ADAMTS12: variants seen among roughly 807,000 people sequenced by gnomAD.
ADAMTS12 encodes the protein ADAM metallopeptidase with thrombospondin type 1 motif 12, also known as A disintegrin and metalloproteinase with thrombospondin motifs 12.
ADAMTS12 carries 118 observed loss-of-function variants against 167.8 expected under a neutral mutation model. The observed-to-expected ratio is 0.70, with a 90% CI of 0.61 to 0.82. The LOEUF (loss-of-function observed/expected upper bound fraction) is 0.82. Ranked by LOEUF, ADAMTS12 falls within the 40% of genes least tolerant of loss-of-function variation. The pLI, the probability that ADAMTS12 is intolerant of heterozygous loss-of-function variation, is 0.00. For missense variants in ADAMTS12, 1,916 were observed against 1,998.8 expected, an observed-to-expected ratio of 0.96 and a Z score of 0.79; for synonymous variants, 704 against 716.9, an observed-to-expected ratio of 0.98 and a Z score of 0.29.
chr5:33,540,312 A>G (rs548723915), intron 22 of ADAMTS12, among the ~76,000 whole-genome samples: 35 of 152,356 alleles, frequency 2.3e-4, no homozygotes, highest in African/African-American at 7.9e-4. Flanking sequence ...AGGAAGCTCG[A>G]ACTGGGCGGA....
chr5:33,752,480 T>C (rs967658609), intron 2 of ADAMTS12, among the ~76,000 whole-genome samples: 4 of 152,200 alleles, frequency 2.6e-5, no homozygotes, highest in African/African-American at 9.7e-5. Flanking sequence ...AGTGACTGGC[T>C]GAGTTTTTAA....
At chr5:33,695,993 G>A (rs1358513874) in intron 3 of ADAMTS12, among the ~76,000 whole-genome samples, 1 of 152,160 alleles carries the variant, frequency 6.6e-6, no homozygotes, top group Non-Finnish European at 1.5e-5. Context: ...GCATTGACGA[G>A]TCCCATAGTG....
chr5:33,720,419 G>A (rs1743770412), intron 3 of ADAMTS12, among the ~76,000 whole-genome samples: 1 of 151,896 alleles, frequency 6.6e-6, no homozygotes, highest in Admixed American at 6.6e-5. Flanking sequence ...ACCATAAATA[G>A]GTCATGGAAA....
At chr5:33,614,496 A>T (rs1263127810) in intron 15 of ADAMTS12, 120 bp from the exon 16 acceptor site, 1 of 1,204,962 alleles carries the variant, frequency 8.3e-7, no homozygotes, top group Non-Finnish European at 1.2e-6. Flanking sequence ...GCATTGGAAT[A>T]AAGCCATTAA....
intron 2 of ADAMTS12, among the ~76,000 whole-genome samples, chr5:33,765,005 G>A (rs1239434966): frequency 6.6e-6 from 1 of 152,166 alleles, no homozygotes; most frequent in Non-Finnish European, 1.5e-5. Context: ...CTCTCTGCAA[G>A]CTAGGCAGGA....
At chr5:33,597,953 T>G (rs527914192) in intron 16 of ADAMTS12, among the ~76,000 whole-genome samples, 2 of 152,308 alleles carry the variant, frequency 1.3e-5, no homozygotes, top group South Asian at 4.1e-4. Context: ...CGAAAAGGCT[T>G]GTATCTGTGC....
chr5:33,626,000 A>G (rs1006900485), intron 13 of ADAMTS12, among the ~76,000 whole-genome samples: 15 of 152,202 alleles, frequency 9.9e-5, no homozygotes, highest in African/African-American at 3.4e-4. Flanking sequence ...GCAGAATCAG[A>G]GGTGGTTCCA....
chr5:33,812,459 ACTCAC>A (rs1173104050), intron 2 of ADAMTS12, among the ~76,000 whole-genome samples: 1 of 152,204 alleles, frequency 6.6e-6, no homozygotes, highest in African/African-American at 2.4e-5. Flanking sequence ...ATACCAAGTT[ACTCAC>A]CTCAAGATCA....
Position 33,526,932 on chromosome 5 carries a change from C to G in ADAMTS12, c.*256G>C, listed in dbSNP as rs1171271774. On this transcript the variant is annotated 3_prime_UTR_variant, in exon 24 of 24. Transcript: ENST00000504830. Reference sequence around the variant, plus strand: ...AATCTGTCTAACCTGGCACCTTTCCCAGGAGCCGATACCAGGTGCTGCCTG... The same window carrying G: ...AATCTGTCTAACCTGGCACCTTTCCGAGGAGCCGATACCAGGTGCTGCCTG... The G allele has an allele frequency of 4.4e-6, 2 of 454,380 alleles. No individual in the cohort carries two copies. Among genetic ancestry groups the G allele is most frequent in the Non-Finnish European group, 7.8e-6 (2 of 254,810 alleles). 28.1% of individuals were successfully genotyped at this position (454,380 alleles called of 1,614,324 possible).
Position 33,525,500 on chromosome 5 carries a change from T to C in ADAMTS12, c.*1688A>G, listed in dbSNP as rs1297429066. 2 of 152,200 alleles carry C rather than the reference T, an allele frequency of 1.3e-5. No individual in the cohort carries two copies. The highest frequency in any genetic ancestry group is 2.4e-5 in the African/African-American group (1 of 41,462). 9.4% of individuals were successfully genotyped at this position (152,200 alleles called of 1,614,324 possible). ...AGGTACCCAAGCAATAAAACTGGCA[T>C]TGGTCAGCAACACCGTTACATGTTT... is the stretch of plus-strand genomic sequence containing the variant. On this transcript the variant is annotated 3_prime_UTR_variant, in exon 24 of 24. Transcript: ENST00000504830.
At chr5:33,604,326 AC>A (rs1738325823) in intron 16 of ADAMTS12, among the ~76,000 whole-genome samples, 1 of 152,130 alleles carries the variant, frequency 6.6e-6, no homozygotes, top group African/African-American at 2.4e-5. Flanking sequence ...ACATGGCGAA[AC>A]CCCGTATCTA....
chr5:33,824,048 G>T (rs527254783), intron 2 of ADAMTS12, among the ~76,000 whole-genome samples: 1 of 152,272 alleles, frequency 6.6e-6, no homozygotes, highest in African/African-American at 2.4e-5. Flanking sequence ...AAAGAAAAAA[G>T]TTTTAAATTG....
intron 3 of ADAMTS12, 120 bp from the exon 4 acceptor site, chr5:33,684,175 T>C (rs1742238390): frequency 1.3e-6 from 1 of 752,108 alleles, no homozygotes. Context: ...AAACGCAATG[T>C]TTTTACGTAC....
In ADAMTS12 at chr5:33,849,442, ATATATG is replaced by A. The variant is rs1277746318; in HGVS notation, c.489+31671_489+31676del. 1.6e-3 allele frequency among the ~76,000 whole-genome samples: 230 copies of A among 145,792 alleles called. 17 individuals are homozygous for A. In the East Asian group the frequency reaches 0.027, roughly 17 times the overall value. ...ATATATATGTATTGAATAGCAATAT[ATATATG>A]TATTGCACAGCAATATATATATATG... On this transcript the variant is annotated intron_variant, in intron 2 of 23. Coordinates refer to ENST00000504830, the MANE Select transcript of ADAMTS12 (RefSeq NM_030955.4).
chr5:33,684,073 G>A lies in ADAMTS12; in HGVS notation c.635-18C>T. ...AACACTGTCTAAACAGTAAACAGAA[G>A]ACAATGGTCTAACACTGTATATGTC... On this transcript the variant is annotated intron_variant, in intron 3 of 23. Coordinates refer to ENST00000504830, the MANE Select transcript of ADAMTS12 (RefSeq NM_030955.4). 2 of 1,531,930 alleles carry A rather than the reference G, an allele frequency of 1.3e-6. No individual in the cohort carries two copies. The highest frequency in any genetic ancestry group is 2.0e-5 in the Admixed American group (1 of 50,604). The allele number at this position is 1,531,930 out of a possible 1,614,324, so 94.9% of individuals were successfully genotyped here.
At chr5:33,533,327 A>G (rs72737388) in intron 23 of ADAMTS12, among the ~76,000 whole-genome samples, 12,445 of 152,280 alleles carry the variant, frequency 0.082, 631 homozygotes, top group Non-Finnish European at 0.11. Context: ...TATTTAAAGT[A>G]TGGTACCATA....
chr5:33,739,395 T>C (rs555306442), intron 3 of ADAMTS12, among the ~76,000 whole-genome samples: 2 of 152,340 alleles, frequency 1.3e-5, no homozygotes, highest in East Asian at 3.9e-4. Context: ...AGCCCTGATG[T>C]ATTTGACACT....
Position 33,649,595 on chromosome 5 carries a change from T to G in ADAMTS12, c.1293A>C (p.Thr431=), listed in dbSNP as rs200346482. 6.2e-7 allele frequency: 1 copy of G among 1,613,994 alleles called. No individual in the cohort carries two copies. Among genetic ancestry groups the G allele is most frequent in the African/African-American group, 1.3e-5 (1 of 75,038 alleles). Residue 431 remains threonine (T), a synonymous_variant, in exon 8 of 24, where the codon ACA becomes ACC. Coordinates refer to ENST00000504830, the MANE Select transcript of ADAMTS12 (RefSeq NM_030955.4). ...TGTACTCCTCGCTGCACTTGGACCATGTCAGCGGAGTGGGATCGTACTGGA... is the reference window on the plus strand; with the variant it reads ...TGTACTCCTCGCTGCACTTGGACCAGGTCAGCGGAGTGGGATCGTACTGGA... ...RQLQYDPTPL[T]WSKCSEEYIT...
chr5:33,534,233 A>G (rs576733284), intron 23 of ADAMTS12, among the ~76,000 whole-genome samples: 26 of 152,266 alleles, frequency 1.7e-4, no homozygotes, highest in Middle Eastern at 3.4e-3. Flanking sequence ...ACTTGGGGGT[A>G]TAACTTGTGC....
Sources: gnomAD v4.1 joint callset for allele counts (sites outside exome capture counted in the v4.1 genomes callset) on GRCh38, gnomAD v4.1.1 for gene constraint, MANE v1.5 for transcripts, NCBI Gene and HGNC (gene_info 2026-07-23, HGNC 2026-07-21) for gene names.